The following RECK variants were observed in gnomAD, a reference collection of about 807,000 sequenced individuals.
RECK encodes reversion-inducing cysteine-rich protein with Kazal motifs.
In RECK, 69 loss-of-function variants were observed where a neutral mutation model predicts 115.1. That is an observed-to-expected ratio of 0.60 (90% CI 0.49 to 0.73). The LOEUF (loss-of-function observed/expected upper bound fraction) is 0.73, where lower values mean the gene tolerates loss of function less well. Among genes scored for constraint, RECK ranks in the 30% least tolerant of loss-of-function variants. RECK has a pLI of 0.00. For missense variants in RECK, 1,047 were observed against 1,203.7 expected (o/e 0.87, Z 1.93); for synonymous variants, 414 against 419.7 (o/e 0.99, Z 0.17).
At chr9:36,052,218 C>A in intron 1 of RECK, 47 bp from the exon 2 acceptor site, 1 of 1,147,812 alleles carries the variant, frequency 8.7e-7, no homozygotes, top group South Asian at 1.2e-5. Flanking sequence ...GCTTAGTCAT[C>A]TTGTTTAACA....
Position 36,037,024 on chromosome 9 carries a change from G to T in RECK, c.26G>T (p.Arg9Leu). 4.2e-6 allele frequency: 6 copies of T among 1,428,558 alleles called. No individual in the cohort carries two copies. The highest frequency in any genetic ancestry group is 5.5e-6 in the Non-Finnish European group (6 of 1,088,122). 88.5% of individuals were successfully genotyped at this position (1,428,558 alleles called of 1,614,324 possible). A position where few individuals can be genotyped will look rare whatever the true frequency, so the allele number is the denominator to read the frequency against. Residue 9 changes from arginine (R) to leucine (L), a missense_variant, in exon 1 of 21, where the codon CGA becomes CTA. By Grantham distance (102) the Arg-to-Leu change is moderately radical. Coordinates refer to ENST00000377966, the MANE Select transcript of RECK (RefSeq NM_021111.3). MATVRASL[R>L]GALLLLLAVA... ...ATGGCGACCGTCCGGGCCTCTCTGC[G>T]AGGTGCGCTGCTCCTTCTGCTGGCC... is the stretch of plus-strand genomic sequence containing the variant.
At chr9:36,112,103 A>C (rs564951102) in intron 15 of RECK, among the ~76,000 whole-genome samples, 127 of 137,838 alleles carry the variant, frequency 9.2e-4, no homozygotes, top group Middle Eastern at 4.0e-3. Context: ...AGCCTGGGCG[A>C]CACAGCGAGA....
At chr9:36,098,405 T>C (rs569653925) in intron 10 of RECK, among the ~76,000 whole-genome samples, 9 of 152,326 alleles carry the variant, frequency 5.9e-5, no homozygotes, top group Non-Finnish European at 5.9e-5. Context: ...TTATCAGTCA[T>C]GGCAAAATAC....
intron 6 of RECK, among the ~76,000 whole-genome samples, chr9:36,077,465 CAA>C (rs1822494574): frequency 2.0e-5 from 3 of 151,978 alleles, no homozygotes; most frequent in African/African-American, 7.3e-5. Context: ...AGTCATTCAT[CAA>C]AGAGGGAGAT....
At position 36,108,053 on chromosome 9, in the gene RECK, G is replaced by A; in HGVS notation, c.1654G>A (p.Val552Ile). The A allele has an allele frequency of 6.2e-7, 1 of 1,614,106 alleles. No individual in the cohort carries two copies. Among genetic ancestry groups the A allele is most frequent in the Non-Finnish European group, 8.5e-7 (1 of 1,179,962 alleles). ...CCAGGTGCCATCATCTGCAGGGGAA[G>A]TTGGTTGTTATAAAATCTGTTCATG... ...LIQVPSSAGE[V>I]GCYKICSCGQ... The change falls in exon 14 of 21, where the codon GTT (valine) becomes ATT (isoleucine). Residue 552 changes from valine (V) to isoleucine (I), a missense_variant. Physicochemically the swap from Val to Ile is conservative, Grantham distance 29. Transcript: ENST00000377966.
At chr9:36,039,581 A>G (rs927846313) in intron 1 of RECK, among the ~76,000 whole-genome samples, 4 of 152,090 alleles carry the variant, frequency 2.6e-5, no homozygotes, top group African/African-American at 9.7e-5. Context: ...TCTTTGGAGG[A>G]TGAGAAGGGA....
chr9:36,066,970 C>A, intron 6 of RECK: 2 of 669,892 alleles, frequency 3.0e-6, no homozygotes, highest in Non-Finnish European at 4.5e-6. Context: ...AACCATTTTC[C>A]AAAAATCTGT....
intron 1 of RECK, 72 bp downstream of exon 1, chr9:36,037,170 G>A: frequency 9.2e-7 from 1 of 1,089,508 alleles, no homozygotes; most frequent in Non-Finnish European, 1.2e-6. Context: ...ATGGCGCGGG[G>A]CAGGGGGCGG....
At chr9:36,100,188 A>G (rs1823507757) in intron 10 of RECK, 143 bp from the exon 11 acceptor site, 1 of 629,166 alleles carries the variant, frequency 1.6e-6, no homozygotes, top group African/African-American at 1.8e-5. Context: ...CATACAATCG[A>G]AGCTGATATC....
At chr9:36,044,721 T>C (rs1169180688) in intron 1 of RECK, among the ~76,000 whole-genome samples, 1 of 152,178 alleles carries the variant, frequency 6.6e-6, no homozygotes, top group Non-Finnish European at 1.5e-5. Context: ...AAAGGCTTAC[T>C]AAGAATTAAG....
intron 12 of RECK, among the ~76,000 whole-genome samples, chr9:36,104,286 G>T (rs1823677497): frequency 4.8e-5 from 1 of 20,962 alleles, no homozygotes; most frequent in African/African-American, 2.9e-4. Flanking sequence ...ATGTGTGTGT[G>T]TGTGTGTATA....
chr9:36,060,296 T>C (rs1821704282), intron 4 of RECK, 141 bp downstream of exon 4: 3 of 765,298 alleles, frequency 3.9e-6, no homozygotes, highest in Non-Finnish European at 6.4e-6. Context: ...AAATTTTTTT[T>C]TTCTAAGACA....
At chr9:36,086,575 G>A (rs907246395) in intron 8 of RECK, among the ~76,000 whole-genome samples, 1 of 152,226 alleles carries the variant, frequency 6.6e-6, no homozygotes, top group African/African-American at 2.4e-5. Context: ...ACTGGAGCAG[G>A]TTGCCACTGC....
chr9:36,061,523 C>T (rs186515482), intron 4 of RECK, among the ~76,000 whole-genome samples: 10 of 151,958 alleles, frequency 6.6e-5, no homozygotes, highest in African/African-American at 2.4e-4. Context: ...TAACACCTAA[C>T]AGAGTGCCTT....
In RECK at chr9:36,105,293, AGGTG is replaced by A. The variant is rs765774659; in HGVS notation, c.1576+15_1576+18del. 1.2e-6 allele frequency: 2 copies of A among 1,613,714 alleles called. No homozygotes were observed. The highest frequency in any genetic ancestry group is 2.7e-5 in the African/African-American group (2 of 74,928). On this transcript the variant is annotated intron_variant, in intron 13 of 20. Coordinates refer to ENST00000377966, the MANE Select transcript of RECK (RefSeq NM_021111.3). ...TACTTTTGTGTTCAAGGTAAGAGGT[AGGTG>A]GGTGTGAGAAGAGGATGGATAGGTG...
chr9:36,110,588 T>C (rs1824002763), intron 15 of RECK, among the ~76,000 whole-genome samples: 1 of 152,210 alleles, frequency 6.6e-6, no homozygotes, highest in Non-Finnish European at 1.5e-5. Context: ...AAAAGGCTAG[T>C]GAGATGGGAT....
intron 13 of RECK, 50 bp from the exon 14 acceptor site, chr9:36,107,926 C>A: frequency 7.6e-7 from 1 of 1,321,272 alleles, no homozygotes; most frequent in Non-Finnish European, 1.1e-6. Context: ...TGTTATAAAA[C>A]AATGTCATAG....
At chr9:36,111,686 G>A (rs573518927) in intron 15 of RECK, among the ~76,000 whole-genome samples, 107 of 152,052 alleles carry the variant, frequency 7.0e-4, no homozygotes, top group Non-Finnish European at 1.2e-3. Context: ...GAGCCACTGT[G>A]CCCAGCCCAC....
chr9:36,054,584 T>C (rs1188387114), intron 2 of RECK, among the ~76,000 whole-genome samples: 1 of 151,514 alleles, frequency 6.6e-6, no homozygotes, highest in Non-Finnish European at 1.5e-5. Context: ...TTGTTTATGA[T>C]GAATTCCGTG....
Sources: allele counts gnomAD v4.1 joint callset (sites outside exome capture counted in the v4.1 genomes callset), GRCh38; gene constraint gnomAD v4.1.1; transcripts MANE v1.5; gene names NCBI Gene and HGNC (gene_info 2026-07-23, HGNC 2026-07-21).